Variants in INO80 observed in about 807,000 individuals in gnomAD.
The protein encoded by INO80 is INO80 complex ATPase subunit.
INO80 carries 20 observed loss-of-function variants against 203.4 expected under a neutral mutation model. The observed-to-expected ratio is 0.10, with a 90% CI of 0.07 to 0.14. The LOEUF is 0.14. Ranked by LOEUF, INO80 falls within the 10% of genes least tolerant of loss-of-function variation. The pLI, the probability that INO80 is intolerant of heterozygous loss-of-function variation, is 1.00. For missense variants in INO80, 1,419 were observed against 1,914.4 expected, an observed-to-expected ratio of 0.74 and a Z score of 4.83; for synonymous variants, 726 against 685.2, an observed-to-expected ratio of 1.06 and a Z score of -0.93.
At chr15:41,072,943 G>T (rs367945007) in intron 11 of INO80, among the ~76,000 whole-genome samples, 1 of 151,894 alleles carries the variant, frequency 6.6e-6, no homozygotes, top group East Asian at 1.9e-4. Flanking sequence ...GCCACCCCCG[G>T]CTAATTTTTT....
intron 29 of INO80, among the ~76,000 whole-genome samples, chr15:40,990,784 G>A (rs751867814): frequency 2.6e-5 from 4 of 152,222 alleles, no homozygotes; most frequent in Non-Finnish European, 5.9e-5. Context: ...CTTTCAGGGA[G>A]AACAGAGCTA....
At chr15:41,061,746 A>T (rs2140563606) in intron 14 of INO80, among the ~76,000 whole-genome samples, 1 of 152,326 alleles carries the variant, frequency 6.6e-6, no homozygotes, top group East Asian at 1.9e-4. Context: ...TAAAAGAATC[A>T]AAGCGAATTT....
In INO80 at chr15:41,057,829, G is replaced by C. The variant is rs570521589; in HGVS notation, c.1985+810C>G. Among the ~76,000 whole-genome samples the C allele has an allele frequency of 1.1e-3, 139 of 131,232 alleles. 2 individuals are homozygous for C. The South Asian group carries it at 0.033, about 31-fold the overall frequency. The allele number at this position is 131,232 out of a possible 152,430, so 86.1% of individuals were successfully genotyped here. On this transcript the variant is annotated intron_variant, in intron 16 of 35. Transcript: ENST00000648947. ...AAAAAAAAAAAAAAAAAGAAAGAAA[G>C]AAAAGAATAGAAAAAACAAAGTTCT...
chr15:41,000,402 T>A (rs922336187), intron 28 of INO80, among the ~76,000 whole-genome samples: 1 of 151,928 alleles, frequency 6.6e-6, no homozygotes, highest in Non-Finnish European at 1.5e-5. Flanking sequence ...AGCAAAAAGA[T>A]AAGAAATTTC....
At chr15:41,062,666 A>T (rs2045133453) in intron 14 of INO80, among the ~76,000 whole-genome samples, 2 of 152,270 alleles carry the variant, frequency 1.3e-5, no homozygotes, top group African/African-American at 2.4e-5. Flanking sequence ...AGGGGTGAGA[A>T]GGTCATGGGG....
chr15:41,040,610 T>C (rs1596283528), intron 24 of INO80, among the ~76,000 whole-genome samples: 1 of 152,276 alleles, frequency 6.6e-6, no homozygotes, highest in African/African-American at 2.4e-5. Flanking sequence ...CAGTGGGTCA[T>C]GCCTAAGTCC....
intron 1 of INO80, among the ~76,000 whole-genome samples, chr15:41,113,336 G>C (rs574458728): frequency 6.6e-6 from 1 of 151,946 alleles, no homozygotes; most frequent in African/African-American, 2.4e-5. Flanking sequence ...GCTCAATCTC[G>C]GCTCACTGCA....
intron 34 of INO80, 73 bp downstream of exon 34, chr15:40,983,689 A>G: frequency 7.5e-7 from 1 of 1,338,018 alleles, no homozygotes; most frequent in Non-Finnish European, 1.1e-6. Flanking sequence ...AGAAGGAATC[A>G]GGACCTTACC....
chr15:41,003,334 C>CTTTTTTT (rs71104761), intron 28 of INO80, among the ~76,000 whole-genome samples: 32 of 126,008 alleles, frequency 2.5e-4, no homozygotes, highest in Non-Finnish European at 3.8e-4. Context: ...CTTTTCTTTT[C>CTTTTTTT]TTTTTTTTTT....
At chr15:41,074,713 T>C in intron 9 of INO80, 148 bp from the exon 10 acceptor site, 1 of 607,972 alleles carries the variant, frequency 1.6e-6, no homozygotes, top group Non-Finnish European at 2.8e-6. Context: ...AATTTTAATT[T>C]AGCCAAGTCA....
chr15:41,014,658 G>A (rs1406992244), intron 27 of INO80, among the ~76,000 whole-genome samples: 1 of 152,004 alleles, frequency 6.6e-6, no homozygotes, highest in Non-Finnish European at 1.5e-5. Context: ...AGCATTCAAG[G>A]GGCTATGAAA....
At chr15:41,056,118 AT>A (rs1022307001) in intron 17 of INO80, among the ~76,000 whole-genome samples, 1 of 150,260 alleles carries the variant, frequency 6.7e-6, no homozygotes, top group Non-Finnish European at 1.5e-5. Flanking sequence ...TAATTTTTTG[AT>A]TTTTTTTGTA....
At chr15:41,045,608 C>T (rs1405017542) in intron 23 of INO80, among the ~76,000 whole-genome samples, 1 of 149,022 alleles carries the variant, frequency 6.7e-6, no homozygotes, top group Non-Finnish European at 1.5e-5. Flanking sequence ...AAAAATTCAC[C>T]TTGGCCGGGC....
chr15:40,988,220 A>G (rs1461164119), intron 29 of INO80, among the ~76,000 whole-genome samples: 1 of 152,210 alleles, frequency 6.6e-6, no homozygotes, highest in Non-Finnish European at 1.5e-5. Context: ...AATAATATTA[A>G]TAGTTAAAAC....
intron 4 of INO80, 44 bp from the exon 5 acceptor site, chr15:41,092,226 A>G (rs2045656528): frequency 1.3e-6 from 2 of 1,498,150 alleles, no homozygotes; most frequent in African/African-American, 1.4e-5. Flanking sequence ...CTGTGAAGCA[A>G]TCCCATTTAT....
chr15:41,101,466 C>T (rs2045805647), intron 1 of INO80, among the ~76,000 whole-genome samples: 1 of 152,172 alleles, frequency 6.6e-6, no homozygotes, highest in African/African-American at 2.4e-5. Context: ...ATCATTCCAT[C>T]CTCTTTTATT....
At chr15:41,105,358 G>A (rs1261572138) in intron 1 of INO80, among the ~76,000 whole-genome samples, 1 of 152,148 alleles carries the variant, frequency 6.6e-6, no homozygotes, top group Non-Finnish European at 1.5e-5. Context: ...TTAGTAAGGA[G>A]GCTACATGCT....
chr15:40,994,907 G>A (rs1242041444), intron 29 of INO80, among the ~76,000 whole-genome samples: 1 of 152,110 alleles, frequency 6.6e-6, no homozygotes, highest in Non-Finnish European at 1.5e-5. Flanking sequence ...TTAGGCTGGA[G>A]TGCAGTGGTG....
chr15:41,006,946 G>A (rs1245449619), intron 27 of INO80, among the ~76,000 whole-genome samples: 1 of 152,152 alleles, frequency 6.6e-6, no homozygotes, highest in South Asian at 2.1e-4. Flanking sequence ...ATGGCAGAAG[G>A]GTAGGGGGCG....
Sources: gnomAD v4.1 joint callset for allele counts (sites outside exome capture counted in the v4.1 genomes callset) on GRCh38, gnomAD v4.1.1 for gene constraint, MANE v1.5 for transcripts, NCBI Gene and HGNC (gene_info 2026-07-23, HGNC 2026-07-21) for gene names.